The following MACF1 variants were observed in gnomAD, a reference collection of about 807,000 sequenced individuals.
The protein encoded by MACF1 is microtubule actin crosslinking factor 1.
A neutral mutation model predicts 854.8 loss-of-function variants in MACF1; 193 were observed. That is an observed-to-expected ratio of 0.23 (90% CI 0.20 to 0.25). MACF1 has a LOEUF of 0.25. Ranked by LOEUF, MACF1 falls within the 10% of genes least tolerant of loss-of-function variation. The pLI is 1.00. For missense variants in MACF1, 7,722 were observed against 8,929.1 expected, an observed-to-expected ratio of 0.86 and a Z score of 5.45; for synonymous variants, 3,185 against 3,226.7, an observed-to-expected ratio of 0.99 and a Z score of 0.44.
At chr1:39,444,963 A>G (rs1557658739) in intron 80 of MACF1, 128 bp downstream of exon 80, 2 of 760,866 alleles carry the variant, frequency 2.6e-6, no homozygotes, top group South Asian at 2.1e-5. Flanking sequence ...AACTGATTCC[A>G]TCTGTGTTGA....
chr1:39,477,088 T>TACACAC (rs1201388658), intron 97 of MACF1, among the ~76,000 whole-genome samples: 1 of 15,872 alleles, frequency 6.3e-5, no homozygotes, highest in African/African-American at 1.4e-4. Context: ...TATATATATA[T>TACACAC]ATACACACAC....
At position 39,481,684 on chromosome 1, in the gene MACF1, C is replaced by G. The variant is rs150781427; in HGVS notation, c.22281+654C>G. Among the ~76,000 whole-genome samples, 11 of 152,318 alleles carry G rather than the reference C, an allele frequency of 7.2e-5. No individual in the cohort carries two copies. In the East Asian group the frequency reaches 1.9e-3, roughly 27 times the overall value. ...AAGTGCAGCCATTAAAGTGCCTGAACGCTTTTGGAAGAGCAGTGTTTTAGA... is the reference window on the plus strand; with the variant it reads ...AAGTGCAGCCATTAAAGTGCCTGAAGGCTTTTGGAAGAGCAGTGTTTTAGA... On this transcript the variant is annotated intron_variant, in intron 99 of 100. Coordinates refer to ENST00000564288, the MANE Select transcript of MACF1 (RefSeq NM_001394062.1).
At chr1:39,161,096 G>A (rs1487185389) in intron 2 of MACF1, among the ~76,000 whole-genome samples, 1 of 152,054 alleles carries the variant, frequency 6.6e-6, no homozygotes, top group Non-Finnish European at 1.5e-5. Context: ...CCAGAATTGG[G>A]GTGCAATATT....
chr1:39,410,821 G>C (rs566728731), intron 58 of MACF1: 10 of 1,613,882 alleles, frequency 6.2e-6, no homozygotes, highest in Admixed American at 1.7e-5. Context: ...GGACCACAGG[G>C]AACCTCAGTC....
intron 4 of MACF1, 38 bp downstream of exon 4, chr1:39,251,979 C>A: frequency 7.2e-7 from 1 of 1,389,022 alleles, no homozygotes; most frequent in Non-Finnish European, 9.5e-7. Flanking sequence ...CCAGCTGGCA[C>A]TGCTGGCACT....
At chr1:39,417,713 ATTTTTTTTTTTTTTTTTTTTTTTT>A (rs56799242) in intron 58 of MACF1, among the ~76,000 whole-genome samples, 1 of 55,796 alleles carries the variant, frequency 1.8e-5, no homozygotes, top group Admixed American at 2.5e-4. Flanking sequence ...CACCCAGTTA[ATTTTTTTTTTTTTTTTTTTTTTTT>A]TTTTTTTTTT....
chr1:39,377,149 T>C (rs1276628640), intron 52 of MACF1, among the ~76,000 whole-genome samples: 1 of 152,130 alleles, frequency 6.6e-6, no homozygotes, highest in East Asian at 1.9e-4. Context: ...TAGCTGAGAC[T>C]ACAGGCGTCC....
chr1:39,251,113 T>C (rs1324889220), intron 3 of MACF1, among the ~76,000 whole-genome samples: 2 of 152,244 alleles, frequency 1.3e-5, no homozygotes, highest in Non-Finnish European at 2.9e-5. Context: ...CTAAGTGATA[T>C]TCAGCTCCTT....
intron 23 of MACF1, 108 bp downstream of exon 23, chr1:39,303,186 T>C: frequency 7.6e-7 from 1 of 1,309,034 alleles, no homozygotes; most frequent in Non-Finnish European, 1.0e-6. Context: ...AGTGGTAAAG[T>C]TCCTCCTGGG....
chr1:39,168,683 C>T (rs1643907050), intron 2 of MACF1, among the ~76,000 whole-genome samples: 1 of 152,132 alleles, frequency 6.6e-6, no homozygotes, highest in East Asian at 1.9e-4. Context: ...GCAAGTTACT[C>T]ACTTTTCCTG....
intron 2 of MACF1, among the ~76,000 whole-genome samples, chr1:39,146,612 C>T (rs1017766091): frequency 1.3e-5 from 2 of 151,892 alleles, no homozygotes; most frequent in African/African-American, 4.8e-5. Context: ...ACAAACATTG[C>T]ATGTTCTTAC....
At chr1:39,208,709 CCG>C (rs1229310649) in intron 1 of MACF1, among the ~76,000 whole-genome samples, 2 of 152,148 alleles carry the variant, frequency 1.3e-5, no homozygotes, top group Non-Finnish European at 2.9e-5. Flanking sequence ...ACTGCAACCC[CCG>C]CCTCCCGGGT....
chr1:39,428,362 A>T (rs1643791238), intron 63 of MACF1, 75 bp downstream of exon 63: 1 of 1,365,696 alleles, frequency 7.3e-7, no homozygotes, highest in Non-Finnish European at 9.8e-7. Context: ...CTCTTCATTT[A>T]TTTTTTTTTC....
intron 2 of MACF1, among the ~76,000 whole-genome samples, chr1:39,173,248 G>A (rs1026382405): frequency 2.6e-5 from 4 of 151,248 alleles, no homozygotes; most frequent in African/African-American, 7.3e-5. Context: ...GCTGAGGCAG[G>A]GGAATCACTT....
chr1:39,140,186 C>G (rs748584973), intron 2 of MACF1, among the ~76,000 whole-genome samples: 4 of 152,140 alleles, frequency 2.6e-5, no homozygotes, highest in Non-Finnish European at 4.4e-5. Context: ...AACTCCTGAC[C>G]TGAAATGATC....
At chr1:39,263,725 A>G (rs895928514) in intron 6 of MACF1, among the ~76,000 whole-genome samples, 2 of 148,854 alleles carry the variant, frequency 1.3e-5, no homozygotes, top group African/African-American at 4.9e-5. Flanking sequence ...TATTTGACAC[A>G]CATAGTATCT....
rs138859272 is a variant in MACF1, at chr1:39,288,648, G to A, written c.1785+1086G>A. ...ATCCCATCTGTATGGAAAACTAACC[G>A]GGAATGATGGCGCGCACCGGTGGTC... On this transcript the variant is annotated intron_variant, in intron 15 of 100. Coordinates refer to ENST00000564288, the MANE Select transcript of MACF1 (RefSeq NM_001394062.1). Among the ~76,000 whole-genome samples, 126 of 151,504 alleles carry A rather than the reference G, an allele frequency of 8.3e-4. No homozygotes were observed. In the East Asian group the frequency reaches 0.014, roughly 17 times the overall value.
intron 23 of MACF1, among the ~76,000 whole-genome samples, chr1:39,303,864 G>C (rs1646106562): frequency 6.6e-6 from 1 of 150,376 alleles, no homozygotes; most frequent in African/African-American, 2.4e-5. Flanking sequence ...GCGACAAAGG[G>C]AGACTCCGTC....
intron 2 of MACF1, among the ~76,000 whole-genome samples, chr1:39,235,192 C>A (rs1450176920): frequency 2.0e-5 from 3 of 152,384 alleles, no homozygotes; most frequent in South Asian, 2.1e-4. Flanking sequence ...CGAGATCACG[C>A]CACTGCACTC....
Sources: allele counts gnomAD v4.1 joint callset (sites outside exome capture counted in the v4.1 genomes callset), GRCh38; gene constraint gnomAD v4.1.1; transcripts MANE v1.5; gene names NCBI Gene and HGNC (gene_info 2026-07-23, HGNC 2026-07-21).